Variants in STEAP1B observed in about 807,000 individuals in gnomAD.
STEAP1B encodes the protein STEAP family member 1B, also known as STEAP family protein MGC87042.
Under a neutral mutation model 27.9 loss-of-function variants are expected in STEAP1B, and 13 were observed. The observed-to-expected ratio is 0.47, with a 90% CI of 0.30 to 0.74. The LOEUF (loss-of-function observed/expected upper bound fraction) is 0.74, where lower values mean the gene tolerates loss of function less well. Ranked by LOEUF, STEAP1B falls within the 30% of genes least tolerant of loss-of-function variation. The pLI is 0.06. For missense variants in STEAP1B, 250 were observed against 298.7 expected (o/e 0.84, Z 1.20); for synonymous variants, 86 against 107.1 (o/e 0.80, Z 1.22).
At chr7:22,455,850 T>C (rs1785569538) in intron 4 of STEAP1B, among the ~76,000 whole-genome samples, 1 of 152,248 alleles carries the variant, frequency 6.6e-6, no homozygotes, top group Non-Finnish European at 1.5e-5. Context: ...ATTTCGAGTA[T>C]TTCAAGAATC....
intron 4 of STEAP1B, among the ~76,000 whole-genome samples, chr7:22,459,256 T>C (rs575150868): frequency 6.6e-6 from 1 of 152,366 alleles, no homozygotes; most frequent in East Asian, 1.9e-4. Flanking sequence ...GCTTTTAAGC[T>C]TGGGGCTGTT....
At chr7:22,484,208 C>T (rs1053124343) in intron 4 of STEAP1B, among the ~76,000 whole-genome samples, 1 of 152,136 alleles carries the variant, frequency 6.6e-6, no homozygotes, top group Non-Finnish European at 1.5e-5. Context: ...CAAAAATAGC[C>T]CTCTTGGAAG....
chr7:22,421,440 C>T (rs1422772585), intron 4 of STEAP1B, among the ~76,000 whole-genome samples: 3 of 152,180 alleles, frequency 2.0e-5, no homozygotes, highest in African/African-American at 7.2e-5. Context: ...GAAACTGAGG[C>T]GTGGGGAGGT....
intron 4 of STEAP1B, among the ~76,000 whole-genome samples, chr7:22,421,145 T>C (rs1204755284): frequency 3.3e-5 from 5 of 152,274 alleles, no homozygotes; most frequent in African/African-American, 1.2e-4. Context: ...ATTAATCTAT[T>C]GAACACTGGC....
At chr7:22,441,912 T>C (rs1785339928) in intron 4 of STEAP1B, among the ~76,000 whole-genome samples, 1 of 152,248 alleles carries the variant, frequency 6.6e-6, no homozygotes, top group African/African-American at 2.4e-5. Context: ...CAGTAAGACT[T>C]TTGAATAAAA....
intron 4 of STEAP1B, among the ~76,000 whole-genome samples, chr7:22,434,837 G>T (rs17146901): frequency 0.031 from 4,790 of 152,240 alleles, 252 homozygotes; most frequent in African/African-American, 0.11. Flanking sequence ...CAAAATAAGA[G>T]TCCTTTATCA....
At chr7:22,465,216 T>C (rs1205384772) in intron 4 of STEAP1B, among the ~76,000 whole-genome samples, 1 of 151,662 alleles carries the variant, frequency 6.6e-6, no homozygotes, top group Non-Finnish European at 1.5e-5. Flanking sequence ...TGGTGTGAGA[T>C]TTCATCCTGC....
chr7:22,422,349 T>C (rs560835390), intron 4 of STEAP1B, among the ~76,000 whole-genome samples: 2 of 152,306 alleles, frequency 1.3e-5, no homozygotes, highest in Non-Finnish European at 2.9e-5. Flanking sequence ...GCTACAAATA[T>C]TGTAACCGCA....
At chr7:22,472,288 C>T (rs1303976023) in intron 4 of STEAP1B, among the ~76,000 whole-genome samples, 3 of 152,194 alleles carry the variant, frequency 2.0e-5, no homozygotes, top group Non-Finnish European at 4.4e-5. Flanking sequence ...GAGAGTCTTA[C>T]ATCCCCATGT....
intron 4 of STEAP1B, among the ~76,000 whole-genome samples, chr7:22,490,435 T>G (rs1371523770): frequency 1.3e-5 from 2 of 152,244 alleles, no homozygotes; most frequent in Non-Finnish European, 2.9e-5. Context: ...GGTCCATGTT[T>G]ACTAAATGAT....
chr7:22,477,260 G>A (rs373384197), intron 4 of STEAP1B, among the ~76,000 whole-genome samples: 97 of 152,280 alleles, frequency 6.4e-4, no homozygotes, highest in African/African-American at 2.0e-3. Context: ...GACATTGACT[G>A]TAAGATTTCC....
chr7:22,424,929 T>C (rs138878067), intron 4 of STEAP1B, among the ~76,000 whole-genome samples: 5 of 151,012 alleles, frequency 3.3e-5, no homozygotes, highest in East Asian at 1.9e-4. Flanking sequence ...TACAGGATCA[T>C]TTCAATTAAT....
At chr7:22,440,814 T>A (rs1355420543) in intron 4 of STEAP1B, among the ~76,000 whole-genome samples, 2 of 151,956 alleles carry the variant, frequency 1.3e-5, no homozygotes, top group African/African-American at 4.8e-5. Context: ...AGTGACATAC[T>A]GCATTACAGG....
In STEAP1B at chr7:22,427,747, G is replaced by C. The variant is rs116881424; in HGVS notation, c.763-7911C>G. ...AAAAGGAATGAAGTGAGTAATAAAT[G>C]TACCTTTGAGAGGCTCGATCCAACT... On this transcript the variant is annotated intron_variant, in intron 4 of 4. Transcript: ENST00000678116. Among the ~76,000 whole-genome samples the C allele has an allele frequency of 5.2e-3, 798 of 152,286 alleles. 23 individuals carry two copies. Among genetic ancestry groups the C allele is most frequent in the Admixed American group, 0.045 (688 of 15,278 alleles).
chr7:22,482,537 T>C (rs1241594767), intron 4 of STEAP1B, among the ~76,000 whole-genome samples: 2 of 152,142 alleles, frequency 1.3e-5, no homozygotes, highest in Non-Finnish European at 2.9e-5. Context: ...ATCCCAGCAT[T>C]GTACAGTGCA....
chr7:22,485,236 A>G (rs1159692572), intron 4 of STEAP1B, among the ~76,000 whole-genome samples: 1 of 152,234 alleles, frequency 6.6e-6, no homozygotes, highest in Non-Finnish European at 1.5e-5. Flanking sequence ...GGAAGAGCCC[A>G]TTGATGTGGC....
chr7:22,460,186 C>T (rs1310610624), intron 4 of STEAP1B, among the ~76,000 whole-genome samples: 3 of 151,618 alleles, frequency 2.0e-5, no homozygotes, highest in Non-Finnish European at 4.4e-5. Flanking sequence ...CATGGTGGCG[C>T]GTGCCCATAG....
At chr7:22,424,671 G>A (rs1204737564) in intron 4 of STEAP1B, among the ~76,000 whole-genome samples, 1 of 151,756 alleles carries the variant, frequency 6.6e-6, no homozygotes, top group Non-Finnish European at 1.5e-5. Context: ...TTTAGGATGT[G>A]GAAAAAACAG....
chr7:22,441,402 C>T (rs1583633210), intron 4 of STEAP1B, among the ~76,000 whole-genome samples: 1 of 152,296 alleles, frequency 6.6e-6, no homozygotes, highest in African/African-American at 2.4e-5. Context: ...TATTTTAATC[C>T]TCATTAACCT....
Sources: gnomAD v4.1 joint callset for allele counts (sites outside exome capture counted in the v4.1 genomes callset) on GRCh38, gnomAD v4.1.1 for gene constraint, MANE v1.5 for transcripts, NCBI Gene and HGNC (gene_info 2026-07-23, HGNC 2026-07-21) for gene names.